The following FAM168A variants were observed in gnomAD, a reference collection of about 807,000 sequenced individuals.
FAM168A encodes family with sequence similarity 168 member A.
FAM168A carries 3 observed loss-of-function variants against 28.5 expected under a neutral mutation model. The observed-to-expected ratio is 0.11, with a 90% CI of 0.05 to 0.27. FAM168A has a LOEUF of 0.27. Ranked by LOEUF, FAM168A falls within the 10% of genes least tolerant of loss-of-function variation. FAM168A has a pLI of 1.00. For missense variants in FAM168A, 222 were observed against 311.5 expected (o/e 0.71, Z 2.16); for synonymous variants, 122 against 124.2 (o/e 0.98, Z 0.12).
At chr11:73,481,740 A>G (rs1361980378) in intron 1 of FAM168A, among the ~76,000 whole-genome samples, 2 of 152,246 alleles carry the variant, frequency 1.3e-5, no homozygotes, top group Non-Finnish European at 2.9e-5. Flanking sequence ...AGAGAGAGCT[A>G]GCTGGAAGAG....
intron 1 of FAM168A, among the ~76,000 whole-genome samples, chr11:73,543,959 T>C (rs1268048492): frequency 1.3e-5 from 2 of 152,060 alleles, no homozygotes; most frequent in South Asian, 2.1e-4. Flanking sequence ...AGCAAGACTC[T>C]ACCTCTACAA....
intron 3 of FAM168A, among the ~76,000 whole-genome samples, chr11:73,429,636 C>T (rs1389344277): frequency 6.6e-6 from 1 of 152,162 alleles, no homozygotes; most frequent in African/African-American, 2.4e-5. Flanking sequence ...TAAAGAACAG[C>T]TTCTACTTCT....
intron 1 of FAM168A, among the ~76,000 whole-genome samples, chr11:73,512,113 C>T (rs372534302): frequency 1.7e-4 from 26 of 152,156 alleles, no homozygotes; most frequent in African/African-American, 5.8e-4. Context: ...ACCATGTGTC[C>T]AGTCCTATGC....
At chr11:73,495,394 A>G (rs1423855482) in intron 1 of FAM168A, among the ~76,000 whole-genome samples, 2 of 152,192 alleles carry the variant, frequency 1.3e-5, no homozygotes, top group African/African-American at 2.4e-5. Context: ...AGAATAACCC[A>G]ATCAAGAACA....
intron 1 of FAM168A, among the ~76,000 whole-genome samples, chr11:73,533,152 C>T (rs1421603488): frequency 6.6e-6 from 1 of 152,214 alleles, no homozygotes; most frequent in Non-Finnish European, 1.5e-5. Context: ...CTCTGAACTT[C>T]AGATTGTCCA....
intron 3 of FAM168A, chr11:73,430,321 T>G: frequency 7.5e-6 from 2 of 265,522 alleles, no homozygotes; most frequent in South Asian, 3.6e-5. Flanking sequence ...GGTGTGTGGG[T>G]GTGTGTGTGT....
chr11:73,535,902 T>G (rs888311107), intron 1 of FAM168A, among the ~76,000 whole-genome samples: 1 of 150,888 alleles, frequency 6.6e-6, no homozygotes, highest in African/African-American at 2.4e-5. Flanking sequence ...AGGGTTTCAC[T>G]CTGTCACTCA....
At chr11:73,539,281 ATT>A (rs1435258504) in intron 1 of FAM168A, among the ~76,000 whole-genome samples, 1 of 151,846 alleles carries the variant, frequency 6.6e-6, no homozygotes, top group Non-Finnish European at 1.5e-5. Context: ...TTTTATTTTT[ATT>A]TTTTGAGACG....
chr11:73,499,448 A>G (rs1854958868), intron 1 of FAM168A, among the ~76,000 whole-genome samples: 2 of 151,032 alleles, frequency 1.3e-5, no homozygotes, highest in Admixed American at 6.7e-5. Flanking sequence ...AAAACCCAAA[A>G]GACCAGAGTG....
At chr11:73,531,619 G>C (rs1474985721) in intron 1 of FAM168A, among the ~76,000 whole-genome samples, 2 of 152,056 alleles carry the variant, frequency 1.3e-5, no homozygotes, top group African/African-American at 4.8e-5. Flanking sequence ...GACCAGAGAG[G>C]AGACCTAGGT....
intron 2 of FAM168A, among the ~76,000 whole-genome samples, chr11:73,452,832 T>C (rs1234769819): frequency 1.4e-5 from 2 of 144,490 alleles, no homozygotes; most frequent in Non-Finnish European, 3.1e-5. Context: ...ATAAGTAAAA[T>C]AATGACATAA....
At chr11:73,479,080 C>T (rs1032358728) in intron 1 of FAM168A, among the ~76,000 whole-genome samples, 1 of 152,126 alleles carries the variant, frequency 6.6e-6, no homozygotes, top group Non-Finnish European at 1.5e-5. Context: ...ACTCTGTTAC[C>T]TGGGGAAGGT....
At position 73,411,517 on chromosome 11, in the gene FAM168A, T is replaced by C. The variant is rs1163774566; in HGVS notation, c.297A>G (p.Pro99=). The change falls in exon 5 of 8, where the codon CCA becomes CCG. Residue 99 remains proline, a synonymous_variant. Coordinates refer to ENST00000356467, the MANE Select transcript of FAM168A (RefSeq NM_015159.3). ...SAAFRYTAGT[P]YKVPPTQSNT... is the part of the protein sequence containing the mutation. Reference sequence around the variant, plus strand: ...TACTCTGGGTCGGTGGGACCTTGTATGGTGTCCCCGCAGTATATCCTGTAC... The same window carrying C: ...TACTCTGGGTCGGTGGGACCTTGTACGGTGTCCCCGCAGTATATCCTGTAC... The C allele has an allele frequency of 6.2e-7, 1 of 1,614,066 alleles. No individual in the cohort carries two copies. Among genetic ancestry groups the C allele is most frequent in the Non-Finnish European group, 8.5e-7 (1 of 1,179,952 alleles).
chr11:73,486,034 T>C (rs1263037892), intron 1 of FAM168A, among the ~76,000 whole-genome samples: 2 of 152,170 alleles, frequency 1.3e-5, no homozygotes, highest in Non-Finnish European at 2.9e-5. Context: ...AGAATCAGCT[T>C]CCTTATTTAT....
intron 1 of FAM168A, among the ~76,000 whole-genome samples, chr11:73,571,881 C>T (rs372614251): frequency 2.0e-5 from 3 of 151,096 alleles, no homozygotes; most frequent in African/African-American, 4.9e-5. Flanking sequence ...ATGTGGGGAG[C>T]GCCCCTGCCC....
At chr11:73,581,613 A>C (rs1214244927) in intron 1 of FAM168A, among the ~76,000 whole-genome samples, 1 of 152,146 alleles carries the variant, frequency 6.6e-6, no homozygotes, top group East Asian at 1.9e-4. Flanking sequence ...TCTTTCAAAA[A>C]TAAGCTCAGG....
chr11:73,515,916 C>G lies in FAM168A; in HGVS notation c.-18-47424G>C, dbSNP rs182637460. ...AGGAGATCGAGACCATCCTGGCCAA[C>G]GTGGTGAAACCCCGTCTCTACGAAA... On this transcript the variant is annotated intron_variant, in intron 1 of 7. Transcript: ENST00000356467. Among the ~76,000 whole-genome samples, 8 of 152,090 alleles carry G rather than the reference C, an allele frequency of 5.3e-5. No individual in the cohort carries two copies. In the East Asian group the frequency reaches 1.5e-3, roughly 29 times the overall value.
At chr11:73,549,914 G>C (rs974826542) in intron 1 of FAM168A, among the ~76,000 whole-genome samples, 2 of 152,164 alleles carry the variant, frequency 1.3e-5, no homozygotes, top group African/African-American at 4.8e-5. Context: ...CTTATTTCTT[G>C]CTTCAGGTTT....
chr11:73,564,131 A>G (rs78218270), intron 1 of FAM168A, among the ~76,000 whole-genome samples: 4,601 of 152,306 alleles, frequency 0.03, 234 homozygotes, highest in African/African-American at 0.11. Flanking sequence ...AGTCCTGAAC[A>G]TTCAGTTTAG....
Sources: gnomAD v4.1 joint callset for allele counts (sites outside exome capture counted in the v4.1 genomes callset) on GRCh38, gnomAD v4.1.1 for gene constraint, MANE v1.5 for transcripts, NCBI Gene and HGNC (gene_info 2026-07-23, HGNC 2026-07-21) for gene names.